The following EVL variants were observed in gnomAD, a reference collection of about 807,000 sequenced individuals.
EVL encodes Enah/Vasp-like.
In EVL, 21 loss-of-function variants were observed where a neutral mutation model predicts 59.6. The observed-to-expected ratio is 0.35, with a 90% CI of 0.25 to 0.51. The LOEUF is 0.51. EVL is among the 20% of genes least tolerant of loss of function. The pLI is 0.97. For synonymous variants in EVL, 198 were observed against 203.5 expected, an observed-to-expected ratio of 0.97 and a Z score of 0.23; for missense variants, 462 against 546.6, an observed-to-expected ratio of 0.85 and a Z score of 1.54.
rs73349532 is a variant in EVL, at chr14:100,107,951, C to A, written c.358+10293C>A. The A allele has an allele frequency of 3.3e-5, 5 of 152,236 alleles. No homozygotes were observed. The South Asian group carries it at 8.3e-4, about 25-fold the overall frequency. The allele number at this position is 152,236 out of a possible 1,614,324, so 9.4% of individuals were successfully genotyped here. ...CCCCATAGCTTAGTGGGAATCCGGG[C>A]GAATTAAAACACAGGATGAAGTGCT... On this transcript the variant is annotated intron_variant, in intron 3 of 13. Coordinates refer to ENST00000392920, the MANE Select transcript of EVL (RefSeq NM_016337.3).
chr14:100,097,672 T>C lies in EVL; in HGVS notation c.358+14T>C. ...CCCAAGAAGGAGGTAAGTAGGGCTT[T>C]GTCTTGGCCTGATGCTGAGACCCTC... On this transcript the variant is annotated intron_variant, in intron 3 of 13. Transcript: ENST00000392920. The C allele has an allele frequency of 6.3e-7, 1 of 1,592,216 alleles. No individual in the cohort carries two copies. Among genetic ancestry groups the C allele is most frequent in the Non-Finnish European group, 8.6e-7 (1 of 1,168,950 alleles).
In EVL at chr14:100,006,022, C is replaced by G. The variant is rs868667578; in HGVS notation, c.5+33965C>G. Among the ~76,000 whole-genome samples, 10 of 148,856 alleles carry G rather than the reference C, an allele frequency of 6.7e-5. No individual in the cohort carries two copies. In the South Asian group the frequency reaches 1.5e-3, roughly 22 times the overall value. ...TTGCTGGCCATTTCCCCCCCCCCCC[C>G]CACACCGACAACACTTTTGTGTGTG... On this transcript the variant is annotated intron_variant, in intron 1 of 13. Coordinates refer to the EVL transcript ENST00000402714.
chr14:100,129,737 C>T (rs2273759), intron 7 of EVL, 53 bp downstream of exon 7: 53,795 of 1,488,314 alleles, frequency 0.036, 1,101 homozygotes, highest in Non-Finnish European at 0.042. Flanking sequence ...AGCTCCTGCC[C>T]CCGCCCCCAG....
upstream of EVL, among the ~76,000 whole-genome samples, chr14:100,063,504 G>A (rs762288123): frequency 5.9e-5 from 9 of 152,154 alleles, no homozygotes; most frequent in Non-Finnish European, 8.8e-5. Context: ...TACAGCAGCC[G>A]CAGAAAACCA....
intron 7 of EVL, among the ~76,000 whole-genome samples, chr14:100,131,133 G>C (rs1888410467): frequency 6.6e-6 from 1 of 152,204 alleles, no homozygotes; most frequent in African/African-American, 2.4e-5. Context: ...CCTGGTGCAG[G>C]GCATCGGGTT....
chr14:100,069,559 G>A lies in EVL; in HGVS notation c.11+4048G>A, dbSNP rs563716681. Reference sequence around the variant, plus strand: ...CAAGCCCTCAGAGATCACGTAGTCCGTTCACTCTCCATGGGAACCCGCACT... The same window carrying A: ...CAAGCCCTCAGAGATCACGTAGTCCATTCACTCTCCATGGGAACCCGCACT... On this transcript the variant is annotated intron_variant, in intron 1 of 13. Transcript: ENST00000392920. Among the ~76,000 whole-genome samples the A allele has an allele frequency of 1.6e-4, 24 of 152,270 alleles. No individual in the cohort carries two copies. In the South Asian group the frequency reaches 2.1e-3, roughly 13 times the overall value.
chr14:100,111,202 G>T (rs982351769), intron 3 of EVL, among the ~76,000 whole-genome samples: 1 of 143,774 alleles, frequency 7.0e-6, no homozygotes, highest in Non-Finnish European at 1.5e-5. Flanking sequence ...TGTTGCCCAG[G>T]CCGGAGTGCA....
chr14:100,120,466 A>G (rs1379058924), intron 3 of EVL, among the ~76,000 whole-genome samples: 2 of 152,240 alleles, frequency 1.3e-5, no homozygotes, highest in African/African-American at 4.8e-5. Flanking sequence ...GAAAGCTGTC[A>G]GTTTTTAAGA....
chr14:100,136,898 C>T (rs1414644737), intron 9 of EVL, among the ~76,000 whole-genome samples: 1 of 152,142 alleles, frequency 6.6e-6, no homozygotes. Flanking sequence ...TCTGTAGCCC[C>T]AGGTCTAGTG....
intron 3 of EVL, among the ~76,000 whole-genome samples, chr14:100,117,941 G>T (rs1887454676): frequency 6.6e-6 from 1 of 152,226 alleles, no homozygotes. Context: ...TTTGCCTGGG[G>T]CCAGTCATCC....
intron 1 of EVL, among the ~76,000 whole-genome samples, chr14:100,080,313 G>C (rs1275368402): frequency 1.3e-5 from 2 of 152,208 alleles, no homozygotes; most frequent in Non-Finnish European, 2.9e-5. Context: ...CCCACAGCTT[G>C]GACAGGCTTG....
chr14:100,141,479 C>A (rs1263137514), intron 12 of EVL, among the ~76,000 whole-genome samples: 1 of 152,232 alleles, frequency 6.6e-6, no homozygotes, highest in East Asian at 1.9e-4. Flanking sequence ...TCCCTCAGGC[C>A]TGCCTCTGGG....
chr14:99,993,290 C>A (rs147709708), intron 1 of EVL, among the ~76,000 whole-genome samples: 192 of 152,150 alleles, frequency 1.3e-3, no homozygotes, highest in African/African-American at 4.6e-3. Context: ...AATCTCCTGA[C>A]CTCGTGATCT....
intron 1 of EVL, among the ~76,000 whole-genome samples, chr14:99,979,133 G>A (rs941489154): frequency 3.3e-5 from 5 of 151,778 alleles, no homozygotes; most frequent in African/African-American, 1.2e-4. Context: ...GAGGTGTAAG[G>A]AACTAGACAC....
Position 99,990,720 on chromosome 14 carries a change from G to T in EVL, c.5+18663G>T, listed in dbSNP as rs113744526. On this transcript the variant is annotated intron_variant, in intron 1 of 13. Transcript: ENST00000402714. ...AAATATTATACTCTATATATATATA[G>T]AGAGAGAGATGCTACTTTTTAAACA... Among the ~76,000 whole-genome samples the T allele has an allele frequency of 8.4e-3, 1,272 of 152,154 alleles. 7 individuals carry two copies. Among genetic ancestry groups the T allele is most frequent in the East Asian group, 0.018 (91 of 5,184 alleles).
chr14:100,036,765 A>T (rs1280924613), intron 1 of EVL, among the ~76,000 whole-genome samples: 1 of 152,200 alleles, frequency 6.6e-6, no homozygotes, highest in Non-Finnish European at 1.5e-5. Context: ...TAGGTGTTTA[A>T]CAGAGGACCG....
At chr14:100,095,079 A>T (rs947405796) in intron 2 of EVL, among the ~76,000 whole-genome samples, 74 of 152,070 alleles carry the variant, frequency 4.9e-4, no homozygotes, top group African/African-American at 1.7e-3. Context: ...GGTACTAAAA[A>T]TTTTTTTTGT....
At chr14:99,971,792 G>A (rs995066339) in exon 1 of EVL, 22 of 130,706 alleles carry the variant, frequency 1.7e-4, no homozygotes, top group Admixed American at 1.6e-3. Context: ...CGCACACGCC[G>A]GCCCGGGCAC....
rs185720502 is a variant in EVL at position 100,142,467 on chromosome 14, A to G, written c.1219+674A>G. On this transcript the variant is annotated intron_variant, in intron 13 of 13. Coordinates refer to ENST00000392920, the MANE Select transcript of EVL (RefSeq NM_016337.3). ...GGCAGACTCAGTCTAGGGACGAGCT[A>G]TGCAGCACAGCCAGTGCCAGCTCCC... Among the ~76,000 whole-genome samples the G allele has an allele frequency of 2.8e-3, 432 of 152,352 alleles. 3 individuals carry two copies. Among genetic ancestry groups the G allele is most frequent in the African/African-American group, 0.01 (427 of 41,578 alleles).
Sources: allele counts gnomAD v4.1 joint callset (sites outside exome capture counted in the v4.1 genomes callset), GRCh38; gene constraint gnomAD v4.1.1; transcripts MANE v1.5; gene names NCBI Gene and HGNC (gene_info 2026-07-23, HGNC 2026-07-21).